The following SENP5 variants were observed in gnomAD, a reference collection of about 807,000 sequenced individuals.
SENP5 encodes SUMO specific peptidase 5, also known as sentrin-specific protease 5.
In SENP5, 21 loss-of-function variants were observed where a neutral mutation model predicts 74.2. That is an observed-to-expected ratio of 0.28 (90% CI 0.20 to 0.41). The LOEUF is 0.41. Among genes scored for constraint, SENP5 ranks in the 10% least tolerant of loss-of-function variants. The pLI, the probability that SENP5 is intolerant of heterozygous loss-of-function variation, is 1.00. For missense variants in SENP5, 717 were observed against 889.1 expected (o/e 0.81, Z 2.46); for synonymous variants, 311 against 312.7 (o/e 0.99, Z 0.06).
At chr3:196,875,095 G>A (rs944107085) in intron 1 of SENP5, among the ~76,000 whole-genome samples, 3 of 152,106 alleles carry the variant, frequency 2.0e-5, no homozygotes, top group Admixed American at 2.0e-4. Flanking sequence ...ATCTCAAATT[G>A]AACATGTGAA....
Position 196,925,200 on chromosome 3 carries a change from A to C in SENP5, c.2022+1649A>C, listed in dbSNP as rs557835585. On this transcript the variant is annotated intron_variant, in intron 7 of 9. Transcript: ENST00000323460. ...TTTTACAAGGAGAATATTTTCTTGT[A>C]TTATTTGTTTAATTAACATTTAATT... 2.6e-5 allele frequency among the ~76,000 whole-genome samples: 4 copies of C among 151,644 alleles called. No individual in the cohort carries two copies. The East Asian group carries it at 7.7e-4, about 29-fold the overall frequency.
At chr3:196,930,633 AC>A (rs1452891141) in intron 9 of SENP5, among the ~76,000 whole-genome samples, 179 bp from the exon 10 acceptor site, 1 of 152,080 alleles carries the variant, frequency 6.6e-6, no homozygotes, top group Non-Finnish European at 1.5e-5. Context: ...TCATCCTGAA[AC>A]CAACCCCCTC....
rs780701015 is a variant in SENP5 at position 196,886,368 on chromosome 3, CTCTGGG to C, written c.1190_1195del (p.Leu397_Gly398del). The stretch of plus-strand genomic sequence containing the variant: ...TCAGAAACTGAAAGAGAAATTATGA[CTCTGGG>C]TCAGGAAAATCAGACAAGTTCTGTC... On this transcript the variant is annotated inframe_deletion, in exon 2 of 10. Coordinates refer to ENST00000323460, the MANE Select transcript of SENP5 (RefSeq NM_152699.5). 4 of 1,613,062 alleles carry C rather than the reference CTCTGGG, an allele frequency of 2.5e-6. No homozygotes were observed. In the South Asian group the frequency reaches 3.3e-5, roughly 13 times the overall value.
intron 2 of SENP5, among the ~76,000 whole-genome samples, chr3:196,897,461 A>G (rs1277043513): frequency 6.6e-6 from 1 of 152,240 alleles, no homozygotes; most frequent in African/African-American, 2.4e-5. Flanking sequence ...GACGTGAGAA[A>G]GGACCTCTTT....
intron 2 of SENP5, among the ~76,000 whole-genome samples, chr3:196,896,911 G>C (rs1424593365): frequency 6.6e-6 from 1 of 152,048 alleles, no homozygotes; most frequent in Non-Finnish European, 1.5e-5. Context: ...TGTCATCTAG[G>C]GTTCTCCTTG....
chr3:196,914,569 A>AAAAAC (rs1473604035), intron 6 of SENP5: 1 of 71,864 alleles, frequency 1.4e-5, no homozygotes, highest in Non-Finnish European at 2.6e-5. Context: ...TGCTTTAAAA[A>AAAAAC]AAAAAAAAAA....
rs372461477 is a variant in SENP5, at chr3:196,918,971, A to G, written c.1885-4443A>G. Among the ~76,000 whole-genome samples the G allele has an allele frequency of 1.6e-4, 9 of 54,960 alleles. No individual in the cohort carries two copies. The South Asian group carries it at 7.2e-3, about 44-fold the overall frequency. The allele number at this position is 54,960 out of a possible 152,430, so 36.1% of individuals were successfully genotyped here. A position where few individuals can be genotyped will look rare whatever the true frequency, so the allele number is the denominator to read the frequency against. ...AGGTCAGACAATATAAAAATTATGT[A>G]TGTGTGTATCTATCTATCTATCTAT... On this transcript the variant is annotated intron_variant, in intron 6 of 9. Coordinates refer to ENST00000323460, the MANE Select transcript of SENP5 (RefSeq NM_152699.5).
chr3:196,914,586 A>AAAAATAT, intron 6 of SENP5: 4 of 33,498 alleles, frequency 1.2e-4, no homozygotes, highest in African/African-American at 1.8e-4. Context: ...AAAAAAAAAA[A>AAAAATAT]ATATATATAT....
intron 6 of SENP5, among the ~76,000 whole-genome samples, chr3:196,911,558 A>C (rs1442755987): frequency 2.2e-5 from 2 of 91,800 alleles, no homozygotes; most frequent in Non-Finnish European, 5.8e-5. Context: ...CTTTGTCTCA[A>C]AAAAAAAAAA....
chr3:196,907,952 A>G (rs1714973500), intron 6 of SENP5, among the ~76,000 whole-genome samples: 1 of 152,052 alleles, frequency 6.6e-6, no homozygotes, highest in South Asian at 2.1e-4. Context: ...AAATAATATG[A>G]AAAAGAAAGG....
chr3:196,885,138 C>G lies in SENP5; in HGVS notation c.-31-13C>G. The G allele has an allele frequency of 6.9e-7, 1 of 1,448,954 alleles. No homozygotes were observed. Among genetic ancestry groups the G allele is most frequent in the Non-Finnish European group, 9.5e-7 (1 of 1,058,024 alleles). The allele number at this position is 1,448,954 out of a possible 1,614,324, so 89.8% of individuals were successfully genotyped here. A position where few individuals can be genotyped will look rare whatever the true frequency, so the allele number is the denominator to read the frequency against. ...TTTTAGATAGAAATATAACTTACTT[C>G]TCTTCTTTACAGCTGCATCCAGATC... On this transcript the variant is annotated splice_polypyrimidine_tract_variant and intron_variant, in intron 1 of 9. Transcript: ENST00000323460.
chr3:196,868,998 C>T (rs553472972), intron 1 of SENP5, among the ~76,000 whole-genome samples: 76 of 151,792 alleles, frequency 5.0e-4, no homozygotes, highest in Non-Finnish European at 1.0e-3. Flanking sequence ...GGGTGGGCAG[C>T]ATCAGGAAGA....
chr3:196,915,850 C>T (rs529720073), intron 6 of SENP5, among the ~76,000 whole-genome samples: 8 of 152,328 alleles, frequency 5.3e-5, no homozygotes, highest in African/African-American at 1.7e-4. Flanking sequence ...GGGCTTGGGG[C>T]TCCCTGTAGT....
rs748048200 is a variant in SENP5, at chr3:196,929,695, C to T, written c.2157+12C>T. 4.4e-6 allele frequency: 7 copies of T among 1,599,700 alleles called. No individual in the cohort carries two copies. In the South Asian group the frequency reaches 6.6e-5, roughly 15 times the overall value. On this transcript the variant is annotated intron_variant, in intron 9 of 9. Coordinates refer to ENST00000323460, the MANE Select transcript of SENP5 (RefSeq NM_152699.5). ...TCTTTGTGCTCCAGGTAAAGAAACACTTGCTTTTCGGAACTTACAATGTGT... is the reference window on the plus strand; with the variant it reads ...TCTTTGTGCTCCAGGTAAAGAAACATTTGCTTTTCGGAACTTACAATGTGT...
intron 4 of SENP5, 94 bp from the exon 5 acceptor site, chr3:196,900,271 G>A (rs1714643313): frequency 2.4e-6 from 3 of 1,236,272 alleles, no homozygotes; most frequent in African/African-American, 1.5e-5. Flanking sequence ...AATTGTATAG[G>A]GTTAGTAGCC....
intron 2 of SENP5, among the ~76,000 whole-genome samples, chr3:196,894,528 C>G (rs559136361): frequency 6.9e-6 from 1 of 145,768 alleles, no homozygotes; most frequent in South Asian, 2.2e-4. Context: ...TATTTAGTTG[C>G]GAGTTCTTTT....
At chr3:196,915,655 C>T (rs1379626103) in intron 6 of SENP5, among the ~76,000 whole-genome samples, 1 of 152,178 alleles carries the variant, frequency 6.6e-6, no homozygotes, top group Non-Finnish European at 1.5e-5. Context: ...GCTGTGGTAG[C>T]CATGGGAGTG....
intron 3 of SENP5, 41 bp from the exon 4 acceptor site, chr3:196,899,883 A>G (rs752423349): frequency 1.2e-6 from 2 of 1,604,910 alleles, no homozygotes; most frequent in African/African-American, 2.7e-5. Context: ...AGAAGTACTC[A>G]TGTTTTTTTT....
intron 6 of SENP5, among the ~76,000 whole-genome samples, chr3:196,920,877 A>G (rs1402131287): frequency 6.6e-6 from 1 of 152,318 alleles, no homozygotes; most frequent in African/African-American, 2.4e-5. Flanking sequence ...ACTTCTGCTT[A>G]TTACATCCTT....
Sources: gnomAD v4.1 joint callset for allele counts (sites outside exome capture counted in the v4.1 genomes callset) on GRCh38, gnomAD v4.1.1 for gene constraint, MANE v1.5 for transcripts, NCBI Gene and HGNC (gene_info 2026-07-23, HGNC 2026-07-21) for gene names.